Variants in XPC observed in about 807,000 individuals in gnomAD.
XPC encodes DNA repair protein complementing XP-C cells.
XPC carries 76 observed loss-of-function variants against 95.8 expected under a neutral mutation model. The ratio of observed to expected loss-of-function variants is 0.79; its 90% CI spans 0.66 to 0.96. The LOEUF is 0.96. XPC is among the 40% of genes least tolerant of loss of function. The probability of loss-of-function intolerance (pLI) is 0.00; values close to 1 mark genes in which losing one functional copy is unlikely to be tolerated. For synonymous variants in XPC, 442 were observed against 442.1 expected, an observed-to-expected ratio of 1.00 and a Z score of 0.00; for missense variants, 1,146 against 1,179.8, an observed-to-expected ratio of 0.97 and a Z score of 0.42.
intron 1 of XPC, among the ~76,000 whole-genome samples, chr3:14,174,050 G>A (rs1195110601): frequency 6.6e-6 from 1 of 151,880 alleles, no homozygotes; most frequent in Non-Finnish European, 1.5e-5. Context: ...TTGCATGAGG[G>A]AAAAAAGACT....
chr3:14,156,306 CCT>C (rs763477109), intron 10 of XPC, 27 bp downstream of exon 10: 27 of 1,600,924 alleles, frequency 1.7e-5, no homozygotes, highest in Middle Eastern at 1.7e-4. Flanking sequence ...TCAGGAAGCC[CCT>C]GAGGCCAACC....
At chr3:14,147,437 T>C in intron 14 of XPC, 58 bp from the exon 15 acceptor site, 2 of 1,485,924 alleles carry the variant, frequency 1.3e-6, no homozygotes, top group Middle Eastern at 1.7e-4. Context: ...TCAGGAAAAA[T>C]ATTAAGATGG....
chr3:14,162,487 C>T (rs1482989569), intron 7 of XPC, among the ~76,000 whole-genome samples: 2 of 152,156 alleles, frequency 1.3e-5, no homozygotes, highest in African/African-American at 4.8e-5. Context: ...ACATTTATGG[C>T]CAGTTGATTT....
At chr3:14,156,304 C>G in intron 10 of XPC, 31 bp downstream of exon 10, 1 of 1,596,834 alleles carries the variant, frequency 6.3e-7, no homozygotes, top group Non-Finnish European at 8.5e-7. Context: ...CATCAGGAAG[C>G]CCCTGAGGCC....
At chr3:14,162,107 G>A (rs1574966305) in intron 7 of XPC, among the ~76,000 whole-genome samples, 3 of 152,252 alleles carry the variant, frequency 2.0e-5, no homozygotes, top group South Asian at 2.1e-4. Context: ...GTAAAAGGCT[G>A]TACACTGAAA....
At chr3:14,163,471 C>T (rs1430651757) in intron 7 of XPC, among the ~76,000 whole-genome samples, 1 of 152,062 alleles carries the variant, frequency 6.6e-6, no homozygotes, top group African/African-American at 2.4e-5. Flanking sequence ...ATCTTGAAAA[C>T]ATTATACTAA....
In XPC at chr3:14,158,226, C is replaced by T; in HGVS notation, c.1657G>A (p.Gly553Ser). Residue 553 changes from glycine to serine, a missense_variant, in exon 9 of 16, where the codon GGC (glycine) becomes AGC (serine). Gly to Ser is a moderately conservative substitution (Grantham distance 56). Coordinates refer to ENST00000285021, the MANE Select transcript of XPC (RefSeq NM_004628.5). This position sits in a 1 kb window ranked among gnomAD's most constrained non-coding sequence, Gnocchi z 5.2. ...VCVDCVHGVV[G>S]QPLTCYKYAT... ...TACTTGTAACAGGTCAGAGGCTGGCCCACCACACCGTGCACACAGTCTACA... is the reference window on the plus strand; with the variant it reads ...TACTTGTAACAGGTCAGAGGCTGGCTCACCACACCGTGCACACAGTCTACA... 1 of 1,613,922 alleles carries T rather than the reference C, an allele frequency of 6.2e-7. No individual in the cohort carries two copies. Among genetic ancestry groups the T allele is most frequent in the Non-Finnish European group, 8.5e-7 (1 of 1,179,884 alleles).
In XPC at chr3:14,178,478, C is replaced by T. The variant is rs368820141; in HGVS notation, c.91G>A (p.Glu31Lys). ...SKAKSKARRE[E>K]EEEDAFEDEK... ...GCCTCGCTCTCACCCTCCTCCTCCT[C>T]CTCACGCCGGGCCTTGCTCTTGGCC... The change falls in exon 1 of 16, where the codon GAG becomes AAG. Residue 31 changes from glutamate (E) to lysine (K), a missense_variant. Physicochemically the swap from Glu to Lys is moderately conservative, Grantham distance 56. Coordinates refer to ENST00000285021, the MANE Select transcript of XPC (RefSeq NM_004628.5). The T allele has an allele frequency of 2.3e-5, 37 of 1,610,470 alleles. No individual in the cohort carries two copies. The highest frequency in any genetic ancestry group is 2.1e-5 in the Non-Finnish European group (25 of 1,178,554).
chr3:14,156,199 A>T (rs1695896192), intron 10 of XPC, 136 bp downstream of exon 10: 1 of 1,101,152 alleles, frequency 9.1e-7, no homozygotes, highest in South Asian at 1.7e-5. Context: ...ACACACACAC[A>T]GCACACGCAC....
At chr3:14,168,929 G>A (rs370460227) in intron 3 of XPC, among the ~76,000 whole-genome samples, 5 of 152,292 alleles carry the variant, frequency 3.3e-5, no homozygotes, top group East Asian at 1.9e-4. Context: ...GACTGAACTT[G>A]CTGAACTGGA....
intron 9 of XPC, 115 bp from the exon 10 acceptor site, chr3:14,156,610 C>A: frequency 1.4e-6 from 2 of 1,412,708 alleles, no homozygotes; most frequent in Admixed American, 1.9e-5. Context: ...GCCAAGGTTT[C>A]ATGAACACTA....
intron 9 of XPC, among the ~76,000 whole-genome samples, chr3:14,157,202 T>A (rs1695950518): frequency 6.6e-6 from 1 of 152,074 alleles, no homozygotes; most frequent in Admixed American, 6.5e-5. Flanking sequence ...CTAAGTAAAA[T>A]GAACTTAGTA....
rs867250052 is a variant in XPC, at chr3:14,156,185, C to T, written c.2033+150G>A. 9.5e-6 allele frequency: 9 copies of T among 942,496 alleles called. 1 individual carries two copies. In the Admixed American group the frequency reaches 2.2e-4, roughly 23 times the overall value. The allele number at this position is 942,496 out of a possible 1,614,324, so 58.4% of individuals were successfully genotyped here. A position where few individuals can be genotyped will look rare whatever the true frequency, so the allele number is the denominator to read the frequency against. On this transcript the variant is annotated intron_variant, in intron 10 of 15. Coordinates refer to ENST00000285021, the MANE Select transcript of XPC (RefSeq NM_004628.5). ...TTTTCAAATTTTCTTCTCTCCTACA[C>T]ATCACACACACACAGCACACGCACA...
intron 2 of XPC, chr3:14,170,764 G>C (rs751205656): frequency 4.2e-5 from 17 of 401,252 alleles, no homozygotes; most frequent in Non-Finnish European, 7.1e-5. Flanking sequence ...ATTACTACCA[G>C]ATGTGCTGTT....
At position 14,161,389 on chromosome 3, in the gene XPC, A is replaced by G. The variant is rs1696159985; in HGVS notation, c.901-1559T>C. On this transcript the variant is annotated intron_variant, in intron 7 of 15. Transcript: ENST00000285021. ...AGACAAATACATCACAAGAAAATAA[A>G]CCAATTTATGAATATAGATGCAAAA... is the stretch of plus-strand genomic sequence containing the variant. 2.0e-5 allele frequency among the ~76,000 whole-genome samples: 3 copies of G among 152,312 alleles called. No homozygotes were observed. In the South Asian group the frequency reaches 6.2e-4, roughly 32 times the overall value.
chr3:14,177,376 T>C (rs533955082), intron 1 of XPC, among the ~76,000 whole-genome samples: 35 of 152,282 alleles, frequency 2.3e-4, no homozygotes, highest in African/African-American at 8.2e-4. Context: ...CCGCGGGGTA[T>C]CTGGGAAGGA....
intron 1 of XPC, among the ~76,000 whole-genome samples, chr3:14,176,657 A>G (rs1045660441): frequency 3.9e-5 from 6 of 152,240 alleles, no homozygotes; most frequent in Non-Finnish European, 7.3e-5. Context: ...AATTATTACC[A>G]TTTCACTATT....
chr3:14,165,989 G>A (rs139324805), intron 5 of XPC: 87 of 190,180 alleles, frequency 4.6e-4, no homozygotes, highest in African/African-American at 2.0e-3. Context: ...GAAGCCTGTG[G>A]AAGCCGGCGG....
At chr3:14,156,229 G>T in intron 10 of XPC, 106 bp downstream of exon 10, 1 of 1,393,578 alleles carries the variant, frequency 7.2e-7, no homozygotes. Flanking sequence ...GCCCGAGAAT[G>T]CTGTCCAGTC....
Sources: gnomAD v4.1 joint callset for allele counts (sites outside exome capture counted in the v4.1 genomes callset) on GRCh38, gnomAD v4.1.1 for gene constraint, Gnocchi (gnomAD v3.1) non-coding constraint, MANE v1.5 for transcripts, NCBI Gene and HGNC (gene_info 2026-07-23, HGNC 2026-07-21) for gene names.